Variants in ACVR2A observed in about 807,000 individuals in gnomAD.
ACVR2A encodes activin receptor type-2A.
Under a neutral mutation model 61.4 loss-of-function variants are expected in ACVR2A, and 7 were observed. That is an observed-to-expected ratio of 0.11 (90% CI 0.06 to 0.21). The LOEUF (loss-of-function observed/expected upper bound fraction) is 0.21. ACVR2A is among the 10% of genes least tolerant of loss of function. The probability of loss-of-function intolerance (pLI) is 1.00; values close to 1 mark genes in which losing one functional copy is unlikely to be tolerated. For synonymous variants in ACVR2A, 193 were observed against 208.3 expected (o/e 0.93, Z 0.63); for missense variants, 322 against 621.7 (o/e 0.52, Z 5.13).
rs74731002 is a variant in ACVR2A at position 147,845,517 on chromosome 2, A to G, written c.55+310A>G. On this transcript the variant is annotated intron_variant, in intron 1 of 10. Coordinates refer to ENST00000241416, the MANE Select transcript of ACVR2A (RefSeq NM_001616.5). ...GGATGACAGCGCTGGTTGGGTTGCA[A>G]TTAAGCCGCAAATACCACAAGTGAC... Among the ~76,000 whole-genome samples, 1,147 of 152,284 alleles carry G rather than the reference A, an allele frequency of 7.5e-3. 21 individuals are homozygous for G. The highest frequency in any genetic ancestry group is 0.025 in the African/African-American group (1,058 of 41,546).
At chr2:147,875,121 T>G (rs1686120937) in intron 1 of ACVR2A, among the ~76,000 whole-genome samples, 1 of 152,034 alleles carries the variant, frequency 6.6e-6, no homozygotes, top group Non-Finnish European at 1.5e-5. Context: ...AATATCTGTT[T>G]AAATTTAGAG....
intron 4 of ACVR2A, among the ~76,000 whole-genome samples, chr2:147,904,464 G>A (rs1250444522): frequency 6.6e-6 from 1 of 151,972 alleles, no homozygotes; most frequent in Non-Finnish European, 1.5e-5. Context: ...AAGGCACGAA[G>A]TTAGCTTCTT....
intron 10 of ACVR2A, among the ~76,000 whole-genome samples, chr2:147,926,554 A>G (rs1687504413): frequency 6.6e-6 from 1 of 151,974 alleles, no homozygotes; most frequent in African/African-American, 2.4e-5. Flanking sequence ...AGTTTGTTGT[A>G]GCCTTTTAAT....
chr2:147,910,181 T>G (rs1470633425), intron 4 of ACVR2A, among the ~76,000 whole-genome samples: 1 of 152,294 alleles, frequency 6.6e-6, no homozygotes, highest in East Asian at 1.9e-4. Flanking sequence ...GGTGTCAGTT[T>G]GGGTTATTTT....
chr2:147,873,437 G>A (rs991848775), intron 1 of ACVR2A, among the ~76,000 whole-genome samples: 3 of 151,834 alleles, frequency 2.0e-5, no homozygotes, highest in Non-Finnish European at 2.9e-5. Flanking sequence ...TGTGTATCTT[G>A]TACTTACGGC....
chr2:147,865,905 A>G (rs1414217520), intron 1 of ACVR2A, among the ~76,000 whole-genome samples: 1 of 152,162 alleles, frequency 6.6e-6, no homozygotes. Context: ...AATTTTTCCT[A>G]CAGGGACACT....
chr2:147,885,453 G>T (rs918809815), intron 1 of ACVR2A, among the ~76,000 whole-genome samples: 1 of 152,038 alleles, frequency 6.6e-6, no homozygotes, highest in Admixed American at 6.5e-5. Flanking sequence ...TGTGGGCAGG[G>T]AGTTATACTC....
At chr2:147,863,174 G>A (rs1685769016) in intron 1 of ACVR2A, among the ~76,000 whole-genome samples, 1 of 152,198 alleles carries the variant, frequency 6.6e-6, no homozygotes. Flanking sequence ...AGGACTGTGT[G>A]ATGTTTTTTG....
chr2:147,907,246 G>A (rs573896074), intron 4 of ACVR2A, among the ~76,000 whole-genome samples: 1 of 152,204 alleles, frequency 6.6e-6, no homozygotes, highest in East Asian at 1.9e-4. Flanking sequence ...ATCATTGATG[G>A]GCATTTGGGT....
intron 10 of ACVR2A, 76 bp downstream of exon 10, chr2:147,926,237 T>C (rs1687496146): frequency 3.3e-6 from 5 of 1,512,752 alleles, no homozygotes; most frequent in Admixed American, 2.0e-5. Flanking sequence ...CTCTGCACAT[T>C]TCTCTTTCTT....
chr2:147,927,658 A>G lies in ACVR2A; in HGVS notation c.*384A>G, dbSNP rs1270042576. 2 of 157,988 alleles carry G rather than the reference A, an allele frequency of 1.3e-5. No individual in the cohort carries two copies. Among genetic ancestry groups the G allele is most frequent in the Non-Finnish European group, 2.8e-5 (2 of 71,852 alleles). The allele number at this position is 157,988 out of a possible 1,614,324, so 9.8% of individuals were successfully genotyped here. On this transcript the variant is annotated 3_prime_UTR_variant, in exon 11 of 11. Coordinates refer to ENST00000241416, the MANE Select transcript of ACVR2A (RefSeq NM_001616.5). ...AAATGAACTACTGCTATTTTTTTTA[A>G]ATCAAAAACTTTTCATTTCAGATTT... is the stretch of plus-strand genomic sequence containing the variant.
rs762145672 is a variant in ACVR2A, at chr2:147,896,392, G to T, written c.147G>T (p.Pro49=). The part of the protein sequence containing the change: ...KDRTNQTGVE[P]CYGDKDKRRH... ...GAACCAATCAAACTGGTGTTGAACCGTGTTATGGTGACAAAGATAAACGGC... is the reference window on the plus strand; with the variant it reads ...GAACCAATCAAACTGGTGTTGAACCTTGTTATGGTGACAAAGATAAACGGC... Residue 49 remains proline (P), a synonymous_variant, in exon 2 of 11, where the codon CCG becomes CCT. Transcript: ENST00000241416. 5.6e-6 allele frequency: 9 copies of T among 1,613,862 alleles called. No homozygotes were observed. The Middle Eastern group carries it at 6.6e-4, about 118-fold the overall frequency.
intron 1 of ACVR2A, among the ~76,000 whole-genome samples, chr2:147,871,882 C>T (rs1005245516): frequency 6.6e-6 from 1 of 152,056 alleles, no homozygotes; most frequent in Non-Finnish European, 1.5e-5. Flanking sequence ...TTGTTTCTTT[C>T]TCCCATTTGC....
chr2:147,928,147 T>G lies in ACVR2A; in HGVS notation c.*873T>G, dbSNP rs1409531456. 6.6e-6 allele frequency: 1 copy of G among 152,366 alleles called. No homozygotes were observed. The highest frequency in any genetic ancestry group is 1.5e-5 in the Non-Finnish European group (1 of 67,928). 9.4% of individuals were successfully genotyped at this position (152,366 alleles called of 1,614,324 possible). A position where few individuals can be genotyped will look rare whatever the true frequency, so the allele number is the denominator to read the frequency against. On this transcript the variant is annotated 3_prime_UTR_variant, in exon 11 of 11. Transcript: ENST00000241416. ...CATCTTATATCCAGTTCCCAAAATT[T>G]GCATACTTACCTAAGTATTTTTTTT...
At chr2:147,854,304 C>T (rs967664178) in intron 1 of ACVR2A, among the ~76,000 whole-genome samples, 6 of 152,250 alleles carry the variant, frequency 3.9e-5, no homozygotes, top group South Asian at 2.1e-4. Flanking sequence ...TGGACTAAAT[C>T]GTCTCTATTT....
chr2:147,863,520 A>G (rs561851263), intron 1 of ACVR2A, among the ~76,000 whole-genome samples: 5 of 152,244 alleles, frequency 3.3e-5, no homozygotes, highest in Admixed American at 1.3e-4. Context: ...TGATTAACGC[A>G]TGTTTTGTAT....
At chr2:147,876,172 C>T (rs1414610947) in intron 1 of ACVR2A, among the ~76,000 whole-genome samples, 2 of 152,060 alleles carry the variant, frequency 1.3e-5, no homozygotes, top group Admixed American at 6.6e-5. Flanking sequence ...CCTTCATTCC[C>T]TTCAATCCTC....
At chr2:147,859,543 T>G (rs1041757854) in intron 1 of ACVR2A, among the ~76,000 whole-genome samples, 1 of 151,638 alleles carries the variant, frequency 6.6e-6, no homozygotes, top group Non-Finnish European at 1.5e-5. Flanking sequence ...CATAGCATAG[T>G]ATTGTTTTGT....
intron 4 of ACVR2A, among the ~76,000 whole-genome samples, chr2:147,902,135 T>C (rs1263469446): frequency 6.6e-6 from 1 of 152,016 alleles, no homozygotes; most frequent in Admixed American, 6.6e-5. Flanking sequence ...CTTTGGAATT[T>C]GTTAAAAAAT....
Sources: gnomAD v4.1 joint callset for allele counts (sites outside exome capture counted in the v4.1 genomes callset) on GRCh38, gnomAD v4.1.1 for gene constraint, MANE v1.5 for transcripts, NCBI Gene and HGNC (gene_info 2026-07-23, HGNC 2026-07-21) for gene names.